The following PAH variants were observed in gnomAD, a reference collection of about 807,000 sequenced individuals.
The protein encoded by PAH is phenylalanine hydroxylase.
In PAH, 64 loss-of-function variants were observed where a neutral mutation model predicts 62.0. The ratio of observed to expected loss-of-function variants is 1.03; its 90% CI spans 0.84 to 1.27. PAH has a LOEUF of 1.27. Ranked by LOEUF, PAH falls within the 50% of genes most tolerant of loss-of-function variation. The probability of loss-of-function intolerance (pLI) is 0.00; values close to 1 mark genes in which losing one functional copy is unlikely to be tolerated. For missense variants in PAH, 579 were observed against 542.8 expected, an observed-to-expected ratio of 1.07 and a Z score of -0.66; for synonymous variants, 195 against 196.2, an observed-to-expected ratio of 0.99 and a Z score of 0.05.
At chr12:102,940,918 A>G (rs938940688) in intron 1 of PAH, among the ~76,000 whole-genome samples, 3 of 152,178 alleles carry the variant, frequency 2.0e-5, no homozygotes, top group Non-Finnish European at 4.4e-5. Context: ...AAAGACAGCT[A>G]CAGAGAAAGG....
At chr12:102,863,917 G>A (rs1426369222) in intron 5 of PAH, among the ~76,000 whole-genome samples, 1 of 152,048 alleles carries the variant, frequency 6.6e-6, no homozygotes, top group Non-Finnish European at 1.5e-5. Flanking sequence ...ATCAAAACCT[G>A]CTGTAGCAGC....
At chr12:102,845,230 G>A (rs1416321496) in intron 9 of PAH, among the ~76,000 whole-genome samples, 1 of 152,172 alleles carries the variant, frequency 6.6e-6, no homozygotes, top group Non-Finnish European at 1.5e-5. Context: ...TGTAAAGCAT[G>A]ATGGAAAATA....
chr12:102,899,858 C>CA (rs1166069532), intron 2 of PAH, among the ~76,000 whole-genome samples: 2,503 of 9,520 alleles, frequency 0.26, 1,045 homozygotes, highest in East Asian at 0.55. Context: ...GACTCCGTCT[C>CA]AAAAAAAAAA....
At chr12:102,919,508 C>A (rs925705043), upstream of PAH, among the ~76,000 whole-genome samples, 2 of 152,078 alleles carry the variant, frequency 1.3e-5, no homozygotes, top group Non-Finnish European at 2.9e-5. Flanking sequence ...ACTATATTCG[C>A]CCTGTTGTAC....
At chr12:102,849,625 T>C (rs1313104447) in intron 8 of PAH, among the ~76,000 whole-genome samples, 1 of 152,218 alleles carries the variant, frequency 6.6e-6, no homozygotes, top group Non-Finnish European at 1.5e-5. Context: ...ATTAGGCTTA[T>C]AAAATACTTT....
chr12:102,857,922 A>G (rs1254277382), intron 5 of PAH, among the ~76,000 whole-genome samples: 1 of 152,206 alleles, frequency 6.6e-6, no homozygotes, highest in Non-Finnish European at 1.5e-5. Flanking sequence ...TCAACTAACG[A>G]GCAAAATAAC....
chr12:102,902,232 T>G (rs953515269), intron 2 of PAH, among the ~76,000 whole-genome samples: 4 of 152,118 alleles, frequency 2.6e-5, no homozygotes, highest in East Asian at 1.9e-4. Context: ...AGGAGACCGG[T>G]GTGACTGGGG....
intron 4 of PAH, among the ~76,000 whole-genome samples, chr12:102,868,770 A>G (rs1282235710): frequency 6.6e-6 from 1 of 152,212 alleles, no homozygotes; most frequent in Non-Finnish European, 1.5e-5. Context: ...TTATTTGTCC[A>G]TATCTCCATA....
chr12:102,886,816 G>C (rs1021899174), intron 3 of PAH, among the ~76,000 whole-genome samples: 1 of 152,014 alleles, frequency 6.6e-6, no homozygotes, highest in Non-Finnish European at 1.5e-5. Context: ...ATGGGTCTAG[G>C]CACCATGTCT....
At chr12:102,910,007 A>AT (rs1324435553) in intron 2 of PAH, among the ~76,000 whole-genome samples, 1 of 152,278 alleles carries the variant, frequency 6.6e-6, no homozygotes, top group Non-Finnish European at 1.5e-5. Flanking sequence ...CTTTTAAAAT[A>AT]TTTTTTTAAC....
At chr12:102,899,858 C>CAAAAAAAAAAAAAAAAAAA (rs1166069532) in intron 2 of PAH, among the ~76,000 whole-genome samples, 1 of 9,538 alleles carries the variant, frequency 1.0e-4, no homozygotes, top group African/African-American at 3.3e-4. Flanking sequence ...GACTCCGTCT[C>CAAAAAAAAAAAAAAAAAAA]AAAAAAAAAA....
chr12:102,958,345 C>T (rs1428646714), exon 1 of PAH: 7 of 1,436,488 alleles, frequency 4.9e-6, no homozygotes, highest in Non-Finnish European at 6.4e-6. Flanking sequence ...TTCTTTGCCA[C>T]GGCCGCAGCC....
chr12:102,846,850 A>G, intron 9 of PAH, 45 bp downstream of exon 9: 2 of 1,526,224 alleles, frequency 1.3e-6, no homozygotes, highest in Non-Finnish European at 1.8e-6. Flanking sequence ...TGAGGGCCAT[A>G]GCCTATAGCA....
At chr12:102,951,913 C>T (rs902662178), upstream of PAH, among the ~76,000 whole-genome samples, 1 of 151,974 alleles carries the variant, frequency 6.6e-6, no homozygotes, top group Non-Finnish European at 1.5e-5. Context: ...GTGGCTTCTC[C>T]GGCTGATGTG....
chr12:102,917,675 C>T (rs907083715), upstream of PAH: 2 of 175,234 alleles, frequency 1.1e-5, no homozygotes, highest in South Asian at 2.7e-4. Context: ...AGCACACTGC[C>T]TTGCTGTGCG....
At chr12:102,903,716 T>G (rs1877860088) in intron 2 of PAH, among the ~76,000 whole-genome samples, 1 of 152,244 alleles carries the variant, frequency 6.6e-6, no homozygotes, top group African/African-American at 2.4e-5. Context: ...GTCTAGCTCC[T>G]GGAAGCTTGT....
rs1180470263 is a variant in PAH, at chr12:102,846,919, A to C, written c.945T>G (p.Asp315Glu). 1.4e-5 allele frequency: 22 copies of C among 1,613,634 alleles called. No homozygotes were observed. The highest frequency in any genetic ancestry group is 1.9e-5 in the Non-Finnish European group (22 of 1,179,708). ...CTGTGGCGAGCTTTTCAATGTATTC[A>C]TCAGGTGCACCCAGAGAGGCAAGGC... ...EIGLASLGAP[D>E]EYIEKLATIY... Residue 315 changes from aspartate (D) to glutamate (E), a missense_variant, in exon 9 of 13, where the codon GAT becomes GAG. Physicochemically the swap from Asp to Glu is conservative, Grantham distance 45. Transcript: ENST00000553106.
intron 1 of PAH, among the ~76,000 whole-genome samples, chr12:102,944,828 G>A (rs1157120984): frequency 6.6e-6 from 1 of 152,162 alleles, no homozygotes; most frequent in African/African-American, 2.4e-5. Flanking sequence ...GTTCATTGGT[G>A]TCTGGGCATT....
intron 4 of PAH, among the ~76,000 whole-genome samples, chr12:102,866,886 G>A (rs1976893): frequency 0.027 from 4,081 of 152,232 alleles, 175 homozygotes; most frequent in African/African-American, 0.092. Context: ...TCCTTGCTGT[G>A]GATTCCAATG....
Sources: allele counts gnomAD v4.1 joint callset (sites outside exome capture counted in the v4.1 genomes callset), GRCh38; gene constraint gnomAD v4.1.1; transcripts MANE v1.5; gene names NCBI Gene and HGNC (gene_info 2026-07-23, HGNC 2026-07-21).